HACL1: variants seen among roughly 807,000 people sequenced by gnomAD.
The protein encoded by HACL1 is 1600020H07Rik.
In HACL1, 64 loss-of-function variants were observed where a neutral mutation model predicts 74.2. The observed-to-expected ratio is 0.86, with a 90% confidence interval of 0.70 to 1.06. HACL1 has a LOEUF of 1.06. HACL1 is among the 50% of genes least tolerant of loss of function. The pLI is 0.00. For missense variants in HACL1, 728 were observed against 719.7 expected, an observed-to-expected ratio of 1.01 and a Z score of -0.13; for synonymous variants, 230 against 238.8, an observed-to-expected ratio of 0.96 and a Z score of 0.34.
chr3:15,583,745 T>C (rs533761894), intron 7 of HACL1, among the ~76,000 whole-genome samples: 2 of 150,980 alleles, frequency 1.3e-5, no homozygotes, highest in Non-Finnish European at 3.0e-5. Flanking sequence ...GCAACCTCCA[T>C]CTCCCAAGTT....
intron 2 of HACL1, among the ~76,000 whole-genome samples, chr3:15,597,323 T>C (rs893726497): frequency 6.6e-6 from 1 of 152,176 alleles, no homozygotes; most frequent in African/African-American, 2.4e-5. Context: ...TACTGCACGC[T>C]TTCAATCCTT....
In HACL1 at chr3:15,586,566, G is replaced by A. The variant is rs754482721; in HGVS notation, c.418C>T (p.Arg140Cys). 17 of 1,600,478 alleles carry A rather than the reference G, an allele frequency of 1.1e-5. No homozygotes were observed. The highest frequency in any genetic ancestry group is 1.7e-4 in the Middle Eastern group (1 of 6,010). ...GGAATAGCTTCTATGCTGCTTGGGCGGGCAGAGAACTTGGTATATAATCTA... is the reference window on the plus strand; with the variant it reads ...GGAATAGCTTCTATGCTGCTTGGGCAGGCAGAGAACTTGGTATATAATCTA... ...ACRLYTKFSA[R>C]PSSIEAIPFV... is the part of the protein sequence containing the mutation. The change falls in exon 6 of 17, where the codon CGC becomes TGC. Residue 140 changes from arginine (R) to cysteine (C), a missense_variant. Transcript: ENST00000321169.
intron 6 of HACL1, 48 bp from the exon 7 acceptor site, chr3:15,585,390 A>C: frequency 1.0e-6 from 1 of 993,314 alleles, no homozygotes; most frequent in Non-Finnish European, 1.6e-6. Context: ...TCTCAGTCTT[A>C]TCATATTCTA....
chr3:15,578,097 C>CAAAA (rs397876768), intron 9 of HACL1, among the ~76,000 whole-genome samples: 10 of 60,294 alleles, frequency 1.7e-4, no homozygotes, highest in East Asian at 4.9e-4. Context: ...GACTCCGTCT[C>CAAAA]AAAAAAAAAA....
At position 15,582,991 on chromosome 3, in the gene HACL1, T is replaced by C. The variant is rs200470853; in HGVS notation, c.555-2A>G. 1.9e-4 allele frequency: 289 copies of C among 1,525,036 alleles called. No individual in the cohort carries two copies. Among genetic ancestry groups the C allele is most frequent in the Non-Finnish European group, 2.3e-4 (257 of 1,109,348 alleles). 94.5% of individuals were successfully genotyped at this position (1,525,036 alleles called of 1,614,324 possible). Reference sequence around the variant, plus strand: ...GGTGACATGCAGCGTTCCATGTACCTGGAAAAAAAGAGCCCTATTAATTAA... The same window carrying C: ...GGTGACATGCAGCGTTCCATGTACCCGGAAAAAAAGAGCCCTATTAATTAA... On this transcript the variant is annotated splice_acceptor_variant, in intron 7 of 16. Coordinates refer to ENST00000321169, the MANE Select transcript of HACL1 (RefSeq NM_012260.4). LOFTEE classifies it high-confidence loss of function.
chr3:15,562,155 C>T (rs915033152), intron 16 of HACL1, among the ~76,000 whole-genome samples: 1 of 152,152 alleles, frequency 6.6e-6, no homozygotes, highest in Admixed American at 6.5e-5. Context: ...GAGTGTCTGA[C>T]TAGCATAAAT....
Position 15,570,053 on chromosome 3 carries a change from T to G in HACL1, c.1096-1467A>C, listed in dbSNP as rs183401328. On this transcript the variant is annotated intron_variant, in intron 12 of 16. Coordinates refer to ENST00000321169, the MANE Select transcript of HACL1 (RefSeq NM_012260.4). ...ACAGTCATTGATTAAAATTCTAATG[T>G]AGGCCAGGCACGGTGGCTCATGCCT... 3.9e-3 allele frequency among the ~76,000 whole-genome samples: 592 copies of G among 151,142 alleles called. 5 individuals are homozygous for G. Among genetic ancestry groups the G allele is most frequent in the Admixed American group, 9.5e-3 (145 of 15,194 alleles).
chr3:15,596,183 G>A, intron 3 of HACL1: 1 of 524,234 alleles, frequency 1.9e-6, no homozygotes. Flanking sequence ...CTACAAAATG[G>A]CAATGTGTTC....
At chr3:15,584,355 C>T (rs926652762) in intron 7 of HACL1, among the ~76,000 whole-genome samples, 10 of 152,124 alleles carry the variant, frequency 6.6e-5, no homozygotes, top group Admixed American at 2.0e-4. Context: ...TTTGTGAGGC[C>T]GAGGTTGGTG....
At chr3:15,569,723 G>A (rs1331410124) in intron 12 of HACL1, among the ~76,000 whole-genome samples, 1 of 152,006 alleles carries the variant, frequency 6.6e-6, no homozygotes, top group East Asian at 1.9e-4. Flanking sequence ...GGGATGCTGA[G>A]GCAGGAGAAT....
intron 12 of HACL1, 97 bp downstream of exon 12, chr3:15,571,571 T>C: frequency 1.3e-6 from 1 of 750,990 alleles, no homozygotes; most frequent in Non-Finnish European, 2.4e-6. Flanking sequence ...ATTTTGCACA[T>C]CAAGGTGATT....
chr3:15,588,881 G>A (rs955966742), intron 5 of HACL1, among the ~76,000 whole-genome samples: 6 of 151,714 alleles, frequency 4.0e-5, no homozygotes, highest in Non-Finnish European at 7.4e-5. Flanking sequence ...TTTTGAGTAA[G>A]TTTTTTCCTC....
In HACL1 at chr3:15,592,487, T is replaced by TACAC. The variant is rs1559561766; in HGVS notation, c.228-808_228-807insGTGT. On this transcript the variant is annotated intron_variant, in intron 3 of 16. Transcript: ENST00000321169. ...ACATACACACACGTATACATACACT[T>TACAC]GTATACATATACACTTGTATATACA... Among the ~76,000 whole-genome samples, 496 of 124,976 alleles carry TACAC rather than the reference T, an allele frequency of 4.0e-3. 3 individuals carry two copies. The highest frequency in any genetic ancestry group is 7.9e-3 in the East Asian group (31 of 3,920). The allele number at this position is 124,976 out of a possible 152,430, so 82.0% of individuals were successfully genotyped here. A position where few individuals can be genotyped will look rare whatever the true frequency, so the allele number is the denominator to read the frequency against.
chr3:15,571,807 ACTTTTT>A (rs1194837101), intron 11 of HACL1, 38 bp from the exon 12 acceptor site: 5 of 644,666 alleles, frequency 7.8e-6, no homozygotes, highest in Non-Finnish European at 1.3e-5. Context: ...AAACACATAA[ACTTTTT>A]CTTTGCCTTT....
intron 5 of HACL1, among the ~76,000 whole-genome samples, chr3:15,589,157 T>C (rs2063847051): frequency 6.6e-6 from 1 of 152,156 alleles, no homozygotes; most frequent in South Asian, 2.1e-4. Context: ...TTTTTATATC[T>C]TCTCTCTACC....
chr3:15,594,087 C>A (rs1480230784), intron 3 of HACL1, among the ~76,000 whole-genome samples: 1 of 152,178 alleles, frequency 6.6e-6, no homozygotes, highest in Non-Finnish European at 1.5e-5. Flanking sequence ...GCATGAGCCA[C>A]CGCGCCTGGT....
chr3:15,583,638 C>CTTT (rs562864590), intron 7 of HACL1, among the ~76,000 whole-genome samples: 16 of 143,876 alleles, frequency 1.1e-4, no homozygotes, highest in African/African-American at 3.5e-4. Context: ...CCACATTTCT[C>CTTT]TTTTTTTTTT....
At chr3:15,567,724 C>T in intron 14 of HACL1, 120 bp downstream of exon 14, 1 of 871,374 alleles carries the variant, frequency 1.1e-6, no homozygotes. Flanking sequence ...GGACAGAACA[C>T]AGTGCTGTGC....
At chr3:15,592,037 A>G (rs1574940855) in intron 3 of HACL1, among the ~76,000 whole-genome samples, 1 of 114,768 alleles carries the variant, frequency 8.7e-6, no homozygotes, top group African/African-American at 3.4e-5. Context: ...ACATACGTAT[A>G]TATACACACA....
Sources: allele counts gnomAD v4.1 joint callset (sites outside exome capture counted in the v4.1 genomes callset), GRCh38; gene constraint gnomAD v4.1.1; transcripts MANE v1.5; gene names NCBI Gene and HGNC (gene_info 2026-07-23, HGNC 2026-07-21).